The following PCLO variants were observed in gnomAD, a reference collection of about 807,000 sequenced individuals.
PCLO encodes protein piccolo.
Under a neutral mutation model 427.5 loss-of-function variants are expected in PCLO, and 82 were observed. That is an observed-to-expected ratio of 0.19 (90% confidence interval 0.16 to 0.23). PCLO has a LOEUF of 0.23. Ranked by LOEUF, PCLO falls within the 10% of genes least tolerant of loss-of-function variation. The probability of loss-of-function intolerance (pLI) is 1.00; values close to 1 mark genes in which losing one functional copy is unlikely to be tolerated. For missense variants in PCLO, 6,239 were observed against 6,115.9 expected, an observed-to-expected ratio of 1.02 and a Z score of -0.67; for synonymous variants, 2,357 against 2,155.4, an observed-to-expected ratio of 1.09 and a Z score of -2.59.
chr7:82,979,466 G>T (rs186682151), intron 3 of PCLO, among the ~76,000 whole-genome samples: 1 of 152,202 alleles, frequency 6.6e-6, no homozygotes, highest in Non-Finnish European at 1.5e-5. Context: ...GCAGTAAGAG[G>T]TTTAAAGTAG....
intron 10 of PCLO, among the ~76,000 whole-genome samples, chr7:82,869,272 T>C (rs1793173020): frequency 6.6e-6 from 1 of 152,118 alleles, no homozygotes; most frequent in South Asian, 2.1e-4. Context: ...TAACAATTGC[T>C]ATGGATAATT....
intron 13 of PCLO, among the ~76,000 whole-genome samples, chr7:82,843,164 A>G (rs1235462747): frequency 6.6e-6 from 1 of 152,186 alleles, no homozygotes; most frequent in Admixed American, 6.5e-5. Context: ...GTGTCTATCA[A>G]TTGATGATTA....
At chr7:82,835,736 A>G (rs1309565177) in intron 15 of PCLO, 43 bp from the exon 16 acceptor site, 1 of 1,518,444 alleles carries the variant, frequency 6.6e-7, no homozygotes, top group South Asian at 1.2e-5. Flanking sequence ...TAAAACAGGA[A>G]AGTAGAAAAG....
chr7:82,916,844 A>G lies in PCLO; in HGVS notation c.11142T>C (p.Ser3714=). 6.2e-7 allele frequency: 1 copy of G among 1,613,264 alleles called. No homozygotes were observed. The highest frequency in any genetic ancestry group is 8.5e-7 in the Non-Finnish European group (1 of 1,179,416). The part of the protein sequence containing the change: ...TTKGSQTMTS[S]GAQKKVKRTL... ...TTCTTTTAACTTTTTTCTGGGCTCC[A>G]GAGGATGTCATGGTTTGAGAACCTT... is the stretch of plus-strand genomic sequence containing the variant. The change falls in exon 7 of 25, where the codon TCT becomes TCC. Residue 3714 remains serine, a synonymous_variant. Transcript: ENST00000333891.
chr7:83,029,094 A>G (rs193982), intron 3 of PCLO, among the ~76,000 whole-genome samples: 1 of 151,798 alleles, frequency 6.6e-6, no homozygotes, highest in East Asian at 2.0e-4. Flanking sequence ...CAACAGAAGA[A>G]AAAATTGACA....
chr7:82,953,889 T>C lies in PCLO; in HGVS notation c.7064A>G (p.Gln2355Arg), dbSNP rs755161656. The change falls in exon 5 of 25, where the codon CAG becomes CGG. Residue 2355 changes from glutamine to arginine, a missense_variant. Around this residue, in one of 5 missense-constraint regions of PCLO, gnomAD observed 4,677 missense variants for 4,468.4 expected, o/e 1.05. Coordinates refer to ENST00000333891, the MANE Select transcript of PCLO (RefSeq NM_033026.6). ...SSVIALPMKE[Q>R]LSTTYFTSGE... ...AGATGTAAAGTATGTAGTTGAAAGC[T>C]GCTCTTTCATTGGAAGGGCTATTAC... is the stretch of plus-strand genomic sequence containing the variant. 5.6e-6 allele frequency: 9 copies of C among 1,613,890 alleles called. No individual in the cohort carries two copies. The Admixed American group carries it at 1.3e-4, about 24-fold the overall frequency.
intron 10 of PCLO, among the ~76,000 whole-genome samples, chr7:82,862,927 C>A (rs1438678727): frequency 1.3e-5 from 2 of 151,808 alleles, no homozygotes; most frequent in Non-Finnish European, 1.5e-5. Context: ...ATAAGACCTG[C>A]TATTCGATGG....
intron 6 of PCLO, among the ~76,000 whole-genome samples, chr7:82,934,326 A>T (rs1444799452): frequency 6.6e-6 from 1 of 151,862 alleles, no homozygotes; most frequent in Admixed American, 6.6e-5. Flanking sequence ...AACTAATTCT[A>T]GTATATTAAT....
intron 3 of PCLO, among the ~76,000 whole-genome samples, chr7:83,081,000 G>A (rs1790085594): frequency 6.6e-6 from 1 of 151,826 alleles, no homozygotes; most frequent in Non-Finnish European, 1.5e-5. Flanking sequence ...TCAAAATATT[G>A]TATTGTATTC....
chr7:82,927,687 T>A (rs538830497), intron 6 of PCLO, among the ~76,000 whole-genome samples: 2 of 152,326 alleles, frequency 1.3e-5, no homozygotes, highest in Admixed American at 1.3e-4. Context: ...TTAGTAAAAT[T>A]CCTCATAATC....
intron 22 of PCLO, among the ~76,000 whole-genome samples, chr7:82,801,157 T>C (rs1255349561): frequency 6.6e-6 from 1 of 150,872 alleles, no homozygotes; most frequent in African/African-American, 2.4e-5. Flanking sequence ...TGAGGTTCCA[T>C]GATTGATTTT....
In PCLO at chr7:82,915,005, G is replaced by T; in HGVS notation, c.12981C>A (p.Ser4327=). The T allele has an allele frequency of 6.2e-7, 1 of 1,613,640 alleles. No individual in the cohort carries two copies. The stretch of plus-strand genomic sequence containing the variant: ...TGGCAGAGGATGATGCATGACTAAA[G>T]GAAACATCTAGAGCTTCAGCCTCTT... ...KAQEAEALDV[S]FSHASSSART... is the part of the protein sequence containing the mutation. The change falls in exon 7 of 25, where the codon TCC becomes TCA. Residue 4327 remains serine, a synonymous_variant. Coordinates refer to ENST00000333891, the MANE Select transcript of PCLO (RefSeq NM_033026.6).
intron 1 of PCLO, among the ~76,000 whole-genome samples, chr7:83,160,207 T>C (rs1792398778): frequency 6.6e-6 from 1 of 152,158 alleles, no homozygotes; most frequent in Non-Finnish European, 1.5e-5. Context: ...TTAGTAGCCT[T>C]ATTTAAAGGC....
intron 4 of PCLO, among the ~76,000 whole-genome samples, chr7:82,962,228 A>C (rs2115627567): frequency 6.6e-6 from 1 of 152,294 alleles, no homozygotes; most frequent in East Asian, 1.9e-4. Context: ...TCAGAAAATA[A>C]GTTTTCTAGT....
At chr7:83,093,745 G>A (rs1481098860) in intron 3 of PCLO, among the ~76,000 whole-genome samples, 6 of 146,182 alleles carry the variant, frequency 4.1e-5, no homozygotes, top group Non-Finnish European at 6.0e-5. Flanking sequence ...CGCCAGCCTC[G>A]GCCTCCCAAA....
intron 3 of PCLO, among the ~76,000 whole-genome samples, chr7:82,983,844 C>T (rs145983411): frequency 6.6e-6 from 1 of 151,968 alleles, no homozygotes; most frequent in East Asian, 1.9e-4. Context: ...GATAATCTCA[C>T]TGCAGCAATT....
At position 83,130,011 on chromosome 7, in the gene PCLO, A is replaced by AT. The variant is rs571055268; in HGVS notation, c.3300+4238dup. Among the ~76,000 whole-genome samples the AT allele has an allele frequency of 7.1e-4, 105 of 147,518 alleles. 2 individuals carry two copies. The South Asian group carries it at 9.8e-3, about 14-fold the overall frequency. On this transcript the variant is annotated intron_variant, in intron 3 of 24. Transcript: ENST00000333891. Reference sequence around the variant, plus strand: ...ATTATTGACTTAAATTTATTTCCTAATTTTTTTTTTTTAATGTCCAGCTTA... The same window carrying AT: ...ATTATTGACTTAAATTTATTTCCTAATTTTTTTTTTTTTAATGTCCAGCTTA...
At chr7:83,076,323 G>A (rs2116377066) in intron 3 of PCLO, among the ~76,000 whole-genome samples, 1 of 151,848 alleles carries the variant, frequency 6.6e-6, no homozygotes, top group East Asian at 1.9e-4. Context: ...AGGGCGGAGT[G>A]CAGTGGCAAG....
At chr7:83,059,357 A>AATAT (rs752009069) in intron 3 of PCLO, among the ~76,000 whole-genome samples, 114 of 111,798 alleles carry the variant, frequency 1.0e-3, no homozygotes, top group East Asian at 3.1e-3. Flanking sequence ...ACACCTTTAA[A>AATAT]ATATATATAT....
Sources: gnomAD v4.1 joint callset for allele counts (sites outside exome capture counted in the v4.1 genomes callset) on GRCh38, gnomAD v4.1.1 for gene constraint, gnomAD v4.1.1 regional missense constraint, MANE v1.5 for transcripts, NCBI Gene and HGNC (gene_info 2026-07-23, HGNC 2026-07-21) for gene names.